Variants in DGKG observed in about 807,000 individuals in gnomAD.
DGKG encodes the protein diacylglycerol kinase gamma.
A neutral mutation model predicts 105.3 loss-of-function variants in DGKG; 78 were observed. That is an observed-to-expected ratio of 0.74 (90% CI 0.62 to 0.89). DGKG has a LOEUF of 0.89. DGKG is among the 40% of genes least tolerant of loss of function. DGKG has a pLI of 0.00. For missense variants in DGKG, 958 were observed against 1,020.1 expected (o/e 0.94, Z 0.83); for synonymous variants, 346 against 367.1 (o/e 0.94, Z 0.66).
intron 20 of DGKG, among the ~76,000 whole-genome samples, chr3:186,239,037 T>C (rs1273528960): frequency 6.6e-6 from 1 of 152,186 alleles, no homozygotes; most frequent in Non-Finnish European, 1.5e-5. Context: ...GAAAAATACA[T>C]TCAGTACCTT....
chr3:186,260,968 G>A (rs1480905653), intron 15 of DGKG, among the ~76,000 whole-genome samples: 34 of 152,138 alleles, frequency 2.2e-4, no homozygotes, highest in African/African-American at 9.7e-5. Context: ...AGGAGGAAAC[G>A]CAGGAGGTGG....
intron 21 of DGKG, among the ~76,000 whole-genome samples, chr3:186,197,537 C>T (rs2268849): frequency 0.47 from 71,574 of 152,012 alleles, 19,964 homozygotes; most frequent in East Asian, 0.73. Flanking sequence ...TAGGTAAGAA[C>T]GAGGCAGTGG....
At chr3:186,179,993 G>C (rs973760859) in intron 22 of DGKG, among the ~76,000 whole-genome samples, 1 of 152,184 alleles carries the variant, frequency 6.6e-6, no homozygotes, top group Non-Finnish European at 1.5e-5. Context: ...ATATTGACAA[G>C]CCCTTTTGAG....
At chr3:186,245,019 A>T (rs1173806785) in intron 19 of DGKG, among the ~76,000 whole-genome samples, 3 of 151,096 alleles carry the variant, frequency 2.0e-5, no homozygotes, top group African/African-American at 7.4e-5. Context: ...AGGAAAAAAA[A>T]AGTGGAGGGG....
At chr3:186,332,987 C>T (rs531956143) in intron 1 of DGKG, among the ~76,000 whole-genome samples, 236 of 152,284 alleles carry the variant, frequency 1.5e-3, no homozygotes, top group Admixed American at 4.4e-3. Context: ...TGTAGAATCA[C>T]CACCAGTAAG....
intron 20 of DGKG, among the ~76,000 whole-genome samples, chr3:186,220,322 A>G (rs2108528550): frequency 6.6e-6 from 1 of 152,330 alleles, no homozygotes; most frequent in African/African-American, 2.4e-5. Flanking sequence ...TTACTACTCT[A>G]TACCAGGGCT....
chr3:186,322,644 C>T (rs1380693810), intron 1 of DGKG, among the ~76,000 whole-genome samples: 1 of 152,164 alleles, frequency 6.6e-6, no homozygotes, highest in Non-Finnish European at 1.5e-5. Flanking sequence ...CTCTACATCC[C>T]TTCTCTGATG....
chr3:186,253,137 A>G lies in DGKG; in HGVS notation c.1556T>C (p.Leu519Pro). 6.2e-7 allele frequency: 1 copy of G among 1,614,204 alleles called. No homozygotes were observed. Among genetic ancestry groups the G allele is most frequent in the Non-Finnish European group, 8.5e-7 (1 of 1,180,032 alleles). ...ACGGGCAAGGTCATTTCCTGTTCCA[A>G]GAGGCAGGACAGCCACTGGTGGATG... ...AKHPPVAVLP[L>P]GTGNDLARCL... Residue 519 changes from leucine to proline, a missense_variant, in exon 18 of 25, where the codon CTT becomes CCT. Leu to Pro is a moderately conservative substitution (Grantham distance 98). This residue lies in a region of DGKG where 315 missense variants were observed against 400.6 expected (regional missense o/e 0.79). Transcript: ENST00000265022.
intron 21 of DGKG, among the ~76,000 whole-genome samples, chr3:186,208,749 C>T (rs1233317696): frequency 6.6e-6 from 1 of 152,200 alleles, no homozygotes; most frequent in African/African-American, 2.4e-5. Flanking sequence ...TTTCTCAGCA[C>T]ACCTGCCCAG....
chr3:186,306,971 G>A lies in DGKG; in HGVS notation c.74C>T (p.Ser25Phe). 2.5e-6 allele frequency: 4 copies of A among 1,610,864 alleles called. No individual in the cohort carries two copies. Among genetic ancestry groups the A allele is most frequent in the Admixed American group, 1.7e-5 (1 of 59,996 alleles). ...DQLQKYSEYS[S>F]KKIKDALTEF... ...AGTCAAGGCATCTTTTATCTTCTTG[G>A]AGGAATCTGAAGAGACACAATTCAC... The change falls in exon 3 of 25, where the codon TCC (serine) becomes TTC (phenylalanine). Residue 25 changes from serine (S) to phenylalanine (F), a missense_variant. Coordinates refer to ENST00000265022, the MANE Select transcript of DGKG (RefSeq NM_001346.3).
At chr3:186,286,496 G>T (rs1361458718) in intron 6 of DGKG, among the ~76,000 whole-genome samples, 1 of 151,704 alleles carries the variant, frequency 6.6e-6, no homozygotes, top group Non-Finnish European at 1.5e-5. Flanking sequence ...TTACAATGAG[G>T]TTAAAATGAG....
intron 11 of DGKG, among the ~76,000 whole-genome samples, chr3:186,269,504 A>T (rs1251059756): frequency 6.6e-6 from 1 of 152,228 alleles, no homozygotes; most frequent in Admixed American, 6.5e-5. Flanking sequence ...GGGAGTACCC[A>T]CAATTGGGTA....
At chr3:186,238,893 C>T (rs904039938) in intron 20 of DGKG, among the ~76,000 whole-genome samples, 1 of 152,170 alleles carries the variant, frequency 6.6e-6, no homozygotes, top group Non-Finnish European at 1.5e-5. Flanking sequence ...GGAAGAATTT[C>T]CTGAAACCCC....
chr3:186,243,072 A>G (rs930770187), intron 19 of DGKG, among the ~76,000 whole-genome samples: 3 of 152,062 alleles, frequency 2.0e-5, no homozygotes, highest in Non-Finnish European at 4.4e-5. Flanking sequence ...GCTTCCCCCA[A>G]TGATAACATT....
intron 19 of DGKG, among the ~76,000 whole-genome samples, chr3:186,250,836 T>G (rs1283845324): frequency 3.3e-5 from 5 of 152,090 alleles, no homozygotes; most frequent in Non-Finnish European, 7.4e-5. Context: ...AGGCGTGAGC[T>G]ACCGTGCCTG....
intron 1 of DGKG, among the ~76,000 whole-genome samples, chr3:186,349,019 A>T (rs1726495225): frequency 6.6e-6 from 1 of 151,734 alleles, no homozygotes; most frequent in Non-Finnish European, 1.5e-5. Context: ...TCTGGGATAC[A>T]TGTGGAGAAT....
chr3:186,280,581 C>G, intron 8 of DGKG, 89 bp downstream of exon 8: 1 of 1,019,432 alleles, frequency 9.8e-7, no homozygotes, highest in Non-Finnish European at 1.5e-6. Context: ...GGAGCACCTG[C>G]AGGGTTAACA....
chr3:186,222,196 G>A (rs1320880403), intron 20 of DGKG, among the ~76,000 whole-genome samples: 4 of 152,214 alleles, frequency 2.6e-5, no homozygotes, highest in East Asian at 3.8e-4. Context: ...GGCAGTGCCT[G>A]CTTTATGATA....
At chr3:186,356,820 G>C (rs371408871) in intron 1 of DGKG, among the ~76,000 whole-genome samples, 3 of 152,168 alleles carry the variant, frequency 2.0e-5, no homozygotes, top group African/African-American at 7.2e-5. Context: ...AGCTGGTTCA[G>C]GACTCCCTGA....
Sources: allele counts gnomAD v4.1 joint callset (sites outside exome capture counted in the v4.1 genomes callset), GRCh38; gene constraint gnomAD v4.1.1; regional missense constraint gnomAD v4.1.1; transcripts MANE v1.5; gene names NCBI Gene and HGNC (gene_info 2026-07-23, HGNC 2026-07-21).